GALNT9: variants seen among roughly 807,000 people sequenced by gnomAD.
The protein encoded by GALNT9 is polypeptide N-acetylgalactosaminyltransferase 9, also known as GalNAc transferase 9.
GALNT9 carries 47 observed loss-of-function variants against 63.1 expected under a neutral mutation model. The ratio of observed to expected loss-of-function variants is 0.75; its 90% CI spans 0.59 to 0.95. The LOEUF is 0.95. Ranked by LOEUF, GALNT9 falls within the 40% of genes least tolerant of loss-of-function variation. The probability of loss-of-function intolerance (pLI) is 0.00; values close to 1 mark genes in which losing one functional copy is unlikely to be tolerated. For synonymous variants in GALNT9, 396 were observed against 365.7 expected, an observed-to-expected ratio of 1.08 and a Z score of -0.94; for missense variants, 829 against 874.8, an observed-to-expected ratio of 0.95 and a Z score of 0.66.
At chr12:132,284,201 A>C (rs1025043183) in intron 2 of GALNT9, 2 of 150,646 alleles carry the variant, frequency 1.3e-5, no homozygotes, top group African/African-American at 2.5e-5. Context: ...ATGTGTGTGC[A>C]CACGTGCACA....
intron 1 of GALNT9, among the ~76,000 whole-genome samples, chr12:132,302,239 C>T (rs1281465986): frequency 6.6e-6 from 1 of 151,048 alleles, no homozygotes; most frequent in Non-Finnish European, 1.5e-5. Context: ...TACACACACA[C>T]ACACACACAC....
chr12:132,327,295 TG>T lies in GALNT9; in HGVS notation c.238+1670del, dbSNP rs1404888933. Among the ~76,000 whole-genome samples, 1 of 76,700 alleles carries T rather than the reference TG, an allele frequency of 1.3e-5. No homozygotes were observed. The highest frequency in any genetic ancestry group is 2.7e-5 in the Non-Finnish European group (1 of 37,068). 50.3% of individuals were successfully genotyped at this position (76,700 alleles called of 152,430 possible). A position where few individuals can be genotyped will look rare whatever the true frequency, so the allele number is the denominator to read the frequency against. ...AGAAGGCAGTGGGGGCGGTGGGCGGTGGGGGGAGACACACTTTCCCGGAATG... is the reference window on the plus strand; with the variant it reads ...AGAAGGCAGTGGGGGCGGTGGGCGGTGGGGGAGACACACTTTCCCGGAATG... On this transcript the variant is annotated intron_variant, in intron 1 of 10. Transcript: ENST00000328957. This position sits in a 1 kb window ranked among gnomAD's most constrained non-coding sequence, Gnocchi z 4.3.
intron 1 of GALNT9, among the ~76,000 whole-genome samples, chr12:132,308,922 G>A (rs1372050623): frequency 3.3e-5 from 5 of 152,162 alleles, no homozygotes; most frequent in African/African-American, 7.2e-5. Flanking sequence ...CGGGATGGCC[G>A]CACTGTGACT....
At chr12:132,264,151 T>C (rs942183459) in intron 2 of GALNT9, among the ~76,000 whole-genome samples, 1 of 152,210 alleles carries the variant, frequency 6.6e-6, no homozygotes, top group Admixed American at 6.5e-5. Context: ...GGCCTTTTAT[T>C]GATGGATCTC....
rs117310678 is a variant in GALNT9, at chr12:132,247,270, C to G, written c.1077+640G>C. ...CCCACCCTCTGTGCCGAAGGACCCACCTTTCCAAGGTCCCAATCCATTGTC... is the reference window on the plus strand; with the variant it reads ...CCCACCCTCTGTGCCGAAGGACCCAGCTTTCCAAGGTCCCAATCCATTGTC... On this transcript the variant is annotated intron_variant, in intron 6 of 10. Coordinates refer to ENST00000328957, the MANE Select transcript of GALNT9 (RefSeq NM_001122636.2). Among the ~76,000 whole-genome samples the G allele has an allele frequency of 4.5e-3, 680 of 152,318 alleles. 21 individuals are homozygous for G. In the East Asian group the frequency reaches 0.064, roughly 14 times the overall value.
At position 132,310,964 on chromosome 12, in the gene GALNT9, G is replaced by T. The variant is rs537713544; in HGVS notation, c.238+18002C>A. Among the ~76,000 whole-genome samples, 5 of 152,202 alleles carry T rather than the reference G, an allele frequency of 3.3e-5. No individual in the cohort carries two copies. The highest frequency in any genetic ancestry group is 7.4e-5 in the Non-Finnish European group (5 of 68,022). ...CACCCGCTCTCCCTGGGCATGTGGC[G>T]CTGGCAGCCCAAGACAGGGACTCGG... On this transcript the variant is annotated intron_variant, in intron 1 of 10. Coordinates refer to ENST00000328957, the MANE Select transcript of GALNT9 (RefSeq NM_001122636.2). The surrounding 1 kb of genome is among the most constrained non-coding windows in gnomAD (Gnocchi z 4.8).
intron 6 of GALNT9, among the ~76,000 whole-genome samples, chr12:132,216,424 C>T (rs1286848326): frequency 6.6e-6 from 1 of 152,224 alleles, no homozygotes; most frequent in Non-Finnish European, 1.5e-5. Flanking sequence ...ACCAAGCACT[C>T]TCATCTGCAG....
At chr12:132,222,070 C>T (rs186364740) in intron 6 of GALNT9, among the ~76,000 whole-genome samples, 2 of 152,188 alleles carry the variant, frequency 1.3e-5, no homozygotes, top group African/African-American at 2.4e-5. Context: ...CTTCCGTTCG[C>T]GGCTGAGGAT....
chr12:132,266,650 G>C (rs569779762), intron 2 of GALNT9, among the ~76,000 whole-genome samples: 33 of 152,340 alleles, frequency 2.2e-4, no homozygotes, highest in Admixed American at 1.8e-3. Flanking sequence ...CTGTGATCTT[G>C]GGGTCTGCCC....
In GALNT9 at chr12:132,196,680, A is replaced by C; in HGVS notation, c.*427T>G. 1 of 1,001,434 alleles carries C rather than the reference A, an allele frequency of 1.0e-6. No homozygotes were observed. The highest frequency in any genetic ancestry group is 1.2e-6 in the Non-Finnish European group (1 of 840,424). The allele number at this position is 1,001,434 out of a possible 1,614,324, so 62.0% of individuals were successfully genotyped here. A position where few individuals can be genotyped will look rare whatever the true frequency, so the allele number is the denominator to read the frequency against. ...TTGGTTGGAGGGCTGAGCGGCCGCA[A>C]GTGCTGGGGGAGGCTGCTTGGAGCA... On this transcript the variant is annotated 3_prime_UTR_variant, in exon 11 of 11. Coordinates refer to ENST00000328957, the MANE Select transcript of GALNT9 (RefSeq NM_001122636.2).
chr12:132,202,009 C>T (rs111806318), intron 7 of GALNT9, among the ~76,000 whole-genome samples: 6,307 of 152,296 alleles, frequency 0.041, 433 homozygotes, highest in African/African-American at 0.14. Flanking sequence ...GGAGGGCAGA[C>T]GACTTGGCCT....
intron 1 of GALNT9, among the ~76,000 whole-genome samples, chr12:132,318,356 G>A (rs1394897582): frequency 1.3e-5 from 2 of 152,208 alleles, no homozygotes; most frequent in Non-Finnish European, 2.9e-5. Flanking sequence ...GAGACAAGGT[G>A]GGTGCTCGGG....
intron 2 of GALNT9, chr12:132,277,231 C>T (rs1246234421): frequency 1.9e-5 from 3 of 154,884 alleles, no homozygotes; most frequent in East Asian, 1.9e-4. Flanking sequence ...CATCCATGGA[C>T]GCTTGCTGGG....
chr12:132,328,211 G>A (rs1223451875), intron 1 of GALNT9, among the ~76,000 whole-genome samples: 2 of 152,302 alleles, frequency 1.3e-5, no homozygotes, highest in African/African-American at 2.4e-5. Context: ...TGGTGATGCC[G>A]GTGCTGCTCC....
chr12:132,227,491 T>C (rs1877738886), intron 6 of GALNT9, among the ~76,000 whole-genome samples: 1 of 152,194 alleles, frequency 6.6e-6, no homozygotes, highest in Non-Finnish European at 1.5e-5. Context: ...GCAGACGGGC[T>C]CCAGCGAGGT....
intron 6 of GALNT9, chr12:132,240,571 C>A (rs2136898680): frequency 2.2e-6 from 1 of 453,872 alleles, no homozygotes; most frequent in South Asian, 1.6e-5. Context: ...GGGCTCCGTG[C>A]GTGGCCCCGG....
Position 132,304,412 on chromosome 12 carries a change from C to T in GALNT9, c.239-17982G>A, listed in dbSNP as rs566081125. On this transcript the variant is annotated intron_variant, in intron 1 of 10. Transcript: ENST00000328957. ...ACCGGGGCACACCCTCACCCAGACA[C>T]GCCCTCACCCGGGCACAGCCTCGCC... 5.2e-5 allele frequency among the ~76,000 whole-genome samples: 6 copies of T among 116,424 alleles called. No homozygotes were observed. In the South Asian group the frequency reaches 8.5e-4, roughly 16 times the overall value. The allele number at this position is 116,424 out of a possible 152,430, so 76.4% of individuals were successfully genotyped here.
intron 2 of GALNT9, among the ~76,000 whole-genome samples, chr12:132,272,104 C>G (rs1427683325): frequency 3.3e-5 from 5 of 152,180 alleles, no homozygotes; most frequent in Admixed American, 3.3e-4. Flanking sequence ...CAGAGCAGCC[C>G]CAGAGCGGTC....
intron 6 of GALNT9, among the ~76,000 whole-genome samples, chr12:132,219,522 C>G (rs142029999): frequency 6.6e-6 from 1 of 152,020 alleles, no homozygotes; most frequent in Non-Finnish European, 1.5e-5. Flanking sequence ...GCTGGGCGTG[C>G]GGCCAGGATC....
Sources: gnomAD v4.1 joint callset for allele counts (sites outside exome capture counted in the v4.1 genomes callset) on GRCh38, gnomAD v4.1.1 for gene constraint, Gnocchi (gnomAD v3.1) non-coding constraint, MANE v1.5 for transcripts, NCBI Gene and HGNC (gene_info 2026-07-23, HGNC 2026-07-21) for gene names.